The following NEGR1 variants were observed in gnomAD, a reference collection of about 807,000 sequenced individuals.
NEGR1 encodes the protein IgLON family member 4.
In NEGR1, 10 loss-of-function variants were observed where a neutral mutation model predicts 40.9. The observed-to-expected ratio is 0.24, with a 90% CI of 0.15 to 0.42. The LOEUF (loss-of-function observed/expected upper bound fraction) is 0.42, where lower values mean the gene tolerates loss of function less well. NEGR1 is among the 10% of genes least tolerant of loss of function. The pLI is 1.00. For synonymous variants in NEGR1, 185 were observed against 166.8 expected, an observed-to-expected ratio of 1.11 and a Z score of -0.84; for missense variants, 352 against 438.9, an observed-to-expected ratio of 0.80 and a Z score of 1.77.
chr1:71,627,642 T>A (rs1172177684), intron 4 of NEGR1, among the ~76,000 whole-genome samples: 1 of 152,028 alleles, frequency 6.6e-6, no homozygotes, highest in Non-Finnish European at 1.5e-5. Context: ...AAGCCTGTCA[T>A]CAATGGGGCT....
chr1:72,255,602 T>G (rs957692782), intron 1 of NEGR1, among the ~76,000 whole-genome samples: 10 of 147,002 alleles, frequency 6.8e-5, no homozygotes, highest in African/African-American at 2.5e-4. Context: ...CAGGCTGGAG[T>G]GCAGTGGCAT....
At chr1:71,528,260 T>G (rs1397286509) in intron 6 of NEGR1, among the ~76,000 whole-genome samples, 6 of 151,416 alleles carry the variant, frequency 4.0e-5, no homozygotes, top group Non-Finnish European at 7.4e-5. Context: ...GAAGATTCTG[T>G]TCATATATGT....
intron 4 of NEGR1, among the ~76,000 whole-genome samples, chr1:71,638,502 G>T (rs530745170): frequency 6.6e-6 from 1 of 152,016 alleles, no homozygotes; most frequent in Non-Finnish European, 1.5e-5. Context: ...TCTGTTTGAC[G>T]CTTGCTTCTT....
intron 6 of NEGR1, among the ~76,000 whole-genome samples, chr1:71,556,413 A>G (rs1271726603): frequency 6.6e-6 from 1 of 151,594 alleles, no homozygotes; most frequent in Non-Finnish European, 1.5e-5. Context: ...GAATTTCTTG[A>G]AGGTCTGAAG....
intron 1 of NEGR1, among the ~76,000 whole-genome samples, chr1:72,208,795 A>G (rs547902766): frequency 2.6e-5 from 4 of 151,800 alleles, no homozygotes; most frequent in African/African-American, 9.6e-5. Flanking sequence ...ACATCTTAAC[A>G]AAGTGCTAGA....
At position 71,641,310 on chromosome 1, in the gene NEGR1, G is replaced by A. The variant is rs143842698; in HGVS notation, c.668-30164C>T. Among the ~76,000 whole-genome samples, 361 of 152,108 alleles carry A rather than the reference G, an allele frequency of 2.4e-3. 4 individuals are homozygous for A. The highest frequency in any genetic ancestry group is 0.018 in the East Asian group (91 of 5,136). On this transcript the variant is annotated intron_variant, in intron 4 of 6. Coordinates refer to ENST00000357731, the MANE Select transcript of NEGR1 (RefSeq NM_173808.3). ...TATGTATCTCATGAAAAATGACACC[G>A]TTGCTGAAGACTCACGAAAGGTTGA...
chr1:72,078,629 A>ATATG, intron 1 of NEGR1, among the ~76,000 whole-genome samples: 1 of 147,696 alleles, frequency 6.8e-6, no homozygotes, highest in Admixed American at 6.8e-5. Context: ...TCATATATAT[A>ATATG]TATATATATT....
chr1:71,444,237 TA>T (rs950680537), intron 6 of NEGR1, among the ~76,000 whole-genome samples: 8 of 152,164 alleles, frequency 5.3e-5, no homozygotes, highest in Non-Finnish European at 1.0e-4. Flanking sequence ...AAAATATTTT[TA>T]AAAAAGCCTT....
rs1646329049 is a variant in NEGR1 at position 71,412,404 on chromosome 1, A to G, written c.941-4834T>C. Among the ~76,000 whole-genome samples, 3 of 152,150 alleles carry G rather than the reference A, an allele frequency of 2.0e-5. No homozygotes were observed. In the South Asian group the frequency reaches 6.2e-4, roughly 32 times the overall value. Reference sequence around the variant, plus strand: ...GAAAAATTATTAGTCTTCTGCTTATACCTGACTTCAGAAATGTTTTCTTTC... The same window carrying G: ...GAAAAATTATTAGTCTTCTGCTTATGCCTGACTTCAGAAATGTTTTCTTTC... On this transcript the variant is annotated intron_variant, in intron 6 of 6. Transcript: ENST00000357731.
intron 1 of NEGR1, among the ~76,000 whole-genome samples, chr1:72,208,778 T>G (rs912601340): frequency 6.6e-6 from 1 of 151,704 alleles, no homozygotes; most frequent in Non-Finnish European, 1.5e-5. Flanking sequence ...TAGGCTACTT[T>G]GTTTAAACAT....
intron 2 of NEGR1, among the ~76,000 whole-genome samples, chr1:71,830,742 C>T (rs910196219): frequency 2.0e-5 from 3 of 151,966 alleles, no homozygotes; most frequent in African/African-American, 7.2e-5. Flanking sequence ...ATTTCCCTCT[C>T]TCAGCCACTT....
chr1:72,244,692 T>A (rs1391385509), intron 1 of NEGR1, among the ~76,000 whole-genome samples: 2 of 151,984 alleles, frequency 1.3e-5, no homozygotes. Context: ...GTATCTCCTG[T>A]TAGGCTCCTA....
At chr1:72,251,396 G>C (rs1395695152) in intron 1 of NEGR1, among the ~76,000 whole-genome samples, 2 of 152,038 alleles carry the variant, frequency 1.3e-5, no homozygotes, top group African/African-American at 4.8e-5. Flanking sequence ...TAATTACAAA[G>C]TATTTCAGAA....
intron 1 of NEGR1, among the ~76,000 whole-genome samples, chr1:72,269,090 A>G (rs1205124733): frequency 1.3e-5 from 2 of 151,648 alleles, no homozygotes; most frequent in Admixed American, 6.6e-5. Context: ...TTTTCACTCA[A>G]TTAGGCTATA....
intron 2 of NEGR1, among the ~76,000 whole-genome samples, chr1:71,872,719 A>C (rs1457212706): frequency 6.6e-6 from 1 of 152,194 alleles, no homozygotes; most frequent in Non-Finnish European, 1.5e-5. Context: ...TAAAGGTTGG[A>C]TTCATTTCAA....
intron 1 of NEGR1, among the ~76,000 whole-genome samples, chr1:72,076,057 T>A (rs1173484641): frequency 2.0e-5 from 3 of 152,224 alleles, no homozygotes; most frequent in African/African-American, 7.2e-5. Context: ...AAGCTGTTTA[T>A]AAATATCGAT....
intron 3 of NEGR1, among the ~76,000 whole-genome samples, chr1:71,707,918 G>A (rs1001026475): frequency 3.9e-5 from 6 of 152,114 alleles, no homozygotes; most frequent in Non-Finnish European, 5.9e-5. Context: ...ATTCCTCTAA[G>A]AGTCTGCAAG....
At chr1:72,265,275 C>T (rs1655602555) in intron 1 of NEGR1, among the ~76,000 whole-genome samples, 1 of 150,910 alleles carries the variant, frequency 6.6e-6, no homozygotes, top group African/African-American at 2.4e-5. Flanking sequence ...AATAGATTGA[C>T]TCTTTCATTA....
intron 4 of NEGR1, among the ~76,000 whole-genome samples, chr1:71,648,100 C>T (rs1010244775): frequency 5.9e-5 from 9 of 151,912 alleles, no homozygotes; most frequent in African/African-American, 1.7e-4. Flanking sequence ...GGCCCTGTCC[C>T]CATTCACAGT....
Sources: gnomAD v4.1 joint callset for allele counts (sites outside exome capture counted in the v4.1 genomes callset) on GRCh38, gnomAD v4.1.1 for gene constraint, MANE v1.5 for transcripts, NCBI Gene and HGNC (gene_info 2026-07-23, HGNC 2026-07-21) for gene names.